DPP10: variants seen among roughly 807,000 people sequenced by gnomAD.
DPP10 encodes dipeptidyl peptidase like 10.
Under a neutral mutation model 120.9 loss-of-function variants are expected in DPP10, and 33 were observed. The observed-to-expected ratio is 0.27, with a 90% confidence interval of 0.21 to 0.37. DPP10 has a LOEUF of 0.37. Ranked by LOEUF, DPP10 falls within the 10% of genes least tolerant of loss-of-function variation. DPP10 has a pLI of 1.00. For missense variants in DPP10, 816 were observed against 942.8 expected, an observed-to-expected ratio of 0.87 and a Z score of 1.76; for synonymous variants, 337 against 326.1, an observed-to-expected ratio of 1.03 and a Z score of -0.36.
intron 21 of DPP10, among the ~76,000 whole-genome samples, chr2:115,835,567 A>G (rs1013560366): frequency 2.0e-5 from 3 of 152,194 alleles, no homozygotes; most frequent in African/African-American, 7.2e-5. Flanking sequence ...CTGTGTCTGC[A>G]GTTTCTCAAA....
intron 1 of DPP10, among the ~76,000 whole-genome samples, chr2:114,494,042 G>A (rs1239799706): frequency 7.4e-6 from 1 of 135,678 alleles, no homozygotes; most frequent in African/African-American, 2.7e-5. Flanking sequence ...TTCTATTTTA[G>A]TGAAAGTATG....
intron 3 of DPP10, among the ~76,000 whole-genome samples, chr2:115,469,905 A>G (rs1020728267): frequency 6.6e-6 from 1 of 151,750 alleles, no homozygotes; most frequent in South Asian, 2.1e-4. Context: ...AAAAAGAAAA[A>G]AAAAAACTAG....
chr2:114,711,838 G>GT (rs1701049365), intron 1 of DPP10, among the ~76,000 whole-genome samples: 1 of 152,084 alleles, frequency 6.6e-6, no homozygotes. Flanking sequence ...GCATGCCATT[G>GT]TTTATCTACT....
At chr2:115,675,202 G>A (rs2090163642) in intron 5 of DPP10, among the ~76,000 whole-genome samples, 1 of 152,116 alleles carries the variant, frequency 6.6e-6, no homozygotes, top group South Asian at 2.1e-4. Flanking sequence ...TGTAAATGCT[G>A]AACCAGACAC....
chr2:114,806,286 G>A (rs982893055), intron 1 of DPP10, among the ~76,000 whole-genome samples: 2 of 152,308 alleles, frequency 1.3e-5, no homozygotes, highest in African/African-American at 4.8e-5. Context: ...GTTTGCAACT[G>A]AAGCTAGCCA....
At chr2:115,470,092 T>C (rs1261845251) in intron 3 of DPP10, among the ~76,000 whole-genome samples, 3 of 152,136 alleles carry the variant, frequency 2.0e-5, no homozygotes, top group African/African-American at 7.2e-5. Context: ...TTTCAAAATA[T>C]GAATTTGGTT....
intron 1 of DPP10, among the ~76,000 whole-genome samples, chr2:114,848,527 C>T (rs1688712672): frequency 6.6e-6 from 1 of 152,036 alleles, no homozygotes; most frequent in Non-Finnish European, 1.5e-5. Context: ...AAAAATGGTG[C>T]CCCAAGGACA....
In DPP10 at chr2:114,818,257, T is replaced by C. The variant is rs538676863; in HGVS notation, c.60+375419T>C. Among the ~76,000 whole-genome samples, 64 of 152,218 alleles carry C rather than the reference T, an allele frequency of 4.2e-4. 2 individuals carry two copies. Among genetic ancestry groups the C allele is most frequent in the African/African-American group, 1.5e-3 (62 of 41,556 alleles). On this transcript the variant is annotated intron_variant, in intron 1 of 25. Transcript: ENST00000410059. ...TTTAGCCTGCCAAAAGAAAAAATTA[T>C]AAAAACAGGACCTGTTACAGGCTCT...
intron 1 of DPP10, among the ~76,000 whole-genome samples, chr2:115,012,280 C>G (rs1702319266): frequency 6.6e-6 from 1 of 152,152 alleles, no homozygotes; most frequent in Non-Finnish European, 1.5e-5. Flanking sequence ...AACCTGAATA[C>G]TGAACCAGGT....
chr2:114,516,477 G>A (rs1010813895), intron 1 of DPP10, among the ~76,000 whole-genome samples: 1 of 152,142 alleles, frequency 6.6e-6, no homozygotes, highest in Non-Finnish European at 1.5e-5. Context: ...GAAGAAAGAT[G>A]ATGATTTTGT....
chr2:115,335,360 A>T (rs1245343233), intron 2 of DPP10, among the ~76,000 whole-genome samples: 1 of 151,920 alleles, frequency 6.6e-6, no homozygotes, highest in Non-Finnish European at 1.5e-5. Flanking sequence ...TACATTAAAA[A>T]CTGTAAATTT....
chr2:114,881,598 GTCTATCTATCTATCTATCTA>G (rs58501993), intron 1 of DPP10, among the ~76,000 whole-genome samples: 2 of 141,182 alleles, frequency 1.4e-5, no homozygotes, highest in Admixed American at 7.3e-5. Flanking sequence ...CTGTCTGTCT[GTCTATCTATCTATCTATCTA>G]TCTATCTATC....
At chr2:115,381,354 A>T (rs1355730396) in intron 3 of DPP10, among the ~76,000 whole-genome samples, 1 of 152,030 alleles carries the variant, frequency 6.6e-6, no homozygotes, top group African/African-American at 2.4e-5. Flanking sequence ...TCGGCTCCTG[A>T]GGCTTCTGCA....
chr2:115,145,784 C>T (rs2051189711), intron 1 of DPP10, among the ~76,000 whole-genome samples: 1 of 152,138 alleles, frequency 6.6e-6, no homozygotes, highest in East Asian at 1.9e-4. Context: ...ATGAGAGTTT[C>T]AGTTGCTCCA....
chr2:115,785,727 T>C (rs1347326005), intron 17 of DPP10, among the ~76,000 whole-genome samples: 3 of 152,118 alleles, frequency 2.0e-5, no homozygotes, highest in African/African-American at 7.2e-5. Flanking sequence ...TTTCTCTCTT[T>C]TTTCTTAGGC....
intron 1 of DPP10, among the ~76,000 whole-genome samples, chr2:114,768,719 T>C (rs1680969497): frequency 6.6e-6 from 1 of 152,124 alleles, no homozygotes; most frequent in African/African-American, 2.4e-5. Context: ...GGGCCACCTG[T>C]CAGAAAGAGA....
chr2:115,504,948 G>C (rs1323578116), intron 4 of DPP10, among the ~76,000 whole-genome samples: 2 of 152,094 alleles, frequency 1.3e-5, no homozygotes, highest in African/African-American at 2.4e-5. Flanking sequence ...GGATTACCCT[G>C]CAGTTTCAAA....
Position 115,299,381 on chromosome 2 carries a change from C to T in DPP10, c.61-9858C>T, listed in dbSNP as rs553172636. Among the ~76,000 whole-genome samples, 90 of 151,790 alleles carry T rather than the reference C, an allele frequency of 5.9e-4. 1 individual carries two copies. In the Middle Eastern group the frequency reaches 0.01, roughly 17 times the overall value. On this transcript the variant is annotated intron_variant, in intron 1 of 25. Coordinates refer to ENST00000410059, the MANE Select transcript of DPP10 (RefSeq NM_020868.6). Reference sequence around the variant, plus strand: ...ACAGGAAAGTATGGTGTCACAGGAGCCAAGAAAATGTTCTCGTGGGAGGCT... The same window carrying T: ...ACAGGAAAGTATGGTGTCACAGGAGTCAAGAAAATGTTCTCGTGGGAGGCT...
In DPP10 at chr2:115,656,047, G is replaced by A. The variant is rs979605211; in HGVS notation, c.442-33640G>A. Among the ~76,000 whole-genome samples, 5 of 151,310 alleles carry A rather than the reference G, an allele frequency of 3.3e-5. No homozygotes were observed. In the Admixed American group the frequency reaches 3.3e-4, roughly 10 times the overall value. On this transcript the variant is annotated intron_variant, in intron 5 of 25. Coordinates refer to ENST00000410059, the MANE Select transcript of DPP10 (RefSeq NM_020868.6). ...AATAAATAAGTTCTAAATATCTGAT[G>A]TGTAACATAGTATCTATATTAATAA...
Sources: gnomAD v4.1 joint callset for allele counts (sites outside exome capture counted in the v4.1 genomes callset) on GRCh38, gnomAD v4.1.1 for gene constraint, MANE v1.5 for transcripts, NCBI Gene and HGNC (gene_info 2026-07-23, HGNC 2026-07-21) for gene names.